Variants in ALK observed in about 807,000 individuals in gnomAD.
ALK encodes ALK receptor tyrosine kinase, also known as ALK tyrosine kinase receptor.
Under a neutral mutation model 163.1 loss-of-function variants are expected in ALK, and 74 were observed. That is an observed-to-expected ratio of 0.45 (90% CI 0.38 to 0.55). The LOEUF (loss-of-function observed/expected upper bound fraction) is 0.55, where lower values mean the gene tolerates loss of function less well. ALK is among the 20% of genes least tolerant of loss of function. The pLI, the probability that ALK is intolerant of heterozygous loss-of-function variation, is 0.00. For missense variants in ALK, 2,063 were observed against 2,105.3 expected, an observed-to-expected ratio of 0.98 and a Z score of 0.39; for synonymous variants, 960 against 843.2, an observed-to-expected ratio of 1.14 and a Z score of -2.40.
In ALK at chr2:29,227,663, G is replaced by C; in HGVS notation, c.2825C>G (p.Ala942Gly). Residue 942 changes from alanine (A) to glycine (G), a missense_variant, in exon 17 of 29, where the codon GCA (alanine) becomes GGA (glycine). Physicochemically the swap from Ala to Gly is moderately conservative, Grantham distance 60 (BLOSUM62 0). Transcript: ENST00000389048. The surrounding 1 kb of genome is among the most constrained non-coding windows in gnomAD (Gnocchi z 4.4). ...CATTTCGGGGTCATTGTTTGAGGCT[G>C]CATTGCCGCCTGAGTAGCAAACCAG... ...GGGGGYIGGN[A>G]ASNNDPEMDG... is the part of the protein sequence containing the mutation. 6.2e-7 allele frequency: 1 copy of C among 1,613,820 alleles called. No homozygotes were observed. The highest frequency in any genetic ancestry group is 1.1e-5 in the South Asian group (1 of 91,064).
intron 4 of ALK, among the ~76,000 whole-genome samples, chr2:29,504,558 T>C (rs1032722957): frequency 6.6e-6 from 1 of 151,898 alleles, no homozygotes; most frequent in Admixed American, 6.6e-5. Flanking sequence ...GGTAAGTGTA[T>C]ATTTTGGAGA....
intron 3 of ALK, among the ~76,000 whole-genome samples, chr2:29,604,466 A>C (rs954979549): frequency 6.6e-6 from 1 of 152,156 alleles, no homozygotes; most frequent in Non-Finnish European, 1.5e-5. Context: ...AATTTCTCCA[A>C]ACTGGCAACA....
intron 3 of ALK, among the ~76,000 whole-genome samples, chr2:29,638,631 C>T (rs1386002859): frequency 1.3e-5 from 2 of 152,104 alleles, no homozygotes; most frequent in East Asian, 3.9e-4. Flanking sequence ...GCCTGTTAGT[C>T]CTTTCCCAGC....
chr2:29,888,264 A>ATTTTTTTTTTT lies in ALK; in HGVS notation c.667+31728_667+31729insAAAAAAAAAAA, dbSNP rs1401782243. 2.7e-3 allele frequency among the ~76,000 whole-genome samples: 384 copies of ATTTTTTTTTTT among 142,256 alleles called. 9 individuals carry two copies. Among genetic ancestry groups the ATTTTTTTTTTT allele is most frequent in the African/African-American group, 0.01 (377 of 37,684 alleles). 93.3% of individuals were successfully genotyped at this position (142,256 alleles called of 152,430 possible). ...ATAAATTGTTTTTTTTTTTTTTTAA[A>ATTTTTTTTTTT]AAAAGGGAAACTATGTATTAAGCTA... is the stretch of plus-strand genomic sequence containing the variant. On this transcript the variant is annotated intron_variant, in intron 1 of 28. Coordinates refer to ENST00000389048, the MANE Select transcript of ALK (RefSeq NM_004304.5).
At chr2:29,763,065 C>G (rs1042687208) in intron 1 of ALK, among the ~76,000 whole-genome samples, 2 of 137,018 alleles carry the variant, frequency 1.5e-5, no homozygotes, top group African/African-American at 5.6e-5. Context: ...CGAGCCTAGG[C>G]GACAGAGTGA....
At chr2:29,893,788 G>A (rs916004886) in intron 1 of ALK, among the ~76,000 whole-genome samples, 3 of 152,096 alleles carry the variant, frequency 2.0e-5, no homozygotes, top group Admixed American at 6.5e-5. Context: ...AAGAACAGTG[G>A]CTCAAGAAGT....
chr2:29,300,277 G>A (rs550841510), intron 8 of ALK, among the ~76,000 whole-genome samples: 3 of 152,204 alleles, frequency 2.0e-5, no homozygotes, highest in Admixed American at 1.3e-4. Flanking sequence ...GGCCGGGCAC[G>A]GTGGCTCACA....
chr2:29,476,755 A>C (rs1178073277), intron 4 of ALK, among the ~76,000 whole-genome samples: 1 of 152,192 alleles, frequency 6.6e-6, no homozygotes, highest in African/African-American at 2.4e-5. Flanking sequence ...CCAGGGAGAC[A>C]GATTAGGTGT....
At chr2:29,528,206 C>T (rs368600620) in intron 4 of ALK, among the ~76,000 whole-genome samples, 7 of 152,198 alleles carry the variant, frequency 4.6e-5, no homozygotes, top group Non-Finnish European at 8.8e-5. Context: ...CCCAGATACC[C>T]GCTGCTGTGG....
intron 1 of ALK, among the ~76,000 whole-genome samples, chr2:29,878,922 A>G (rs890372235): frequency 3.9e-5 from 6 of 152,234 alleles, no homozygotes; most frequent in African/African-American, 1.2e-4. Flanking sequence ...GAGAGAATCC[A>G]GGGCAAAATG....
At chr2:29,278,064 G>A (rs1205163173) in intron 9 of ALK, among the ~76,000 whole-genome samples, 2 of 152,174 alleles carry the variant, frequency 1.3e-5, no homozygotes, top group Non-Finnish European at 2.9e-5. Context: ...AGAGGAAGGG[G>A]GAATTACACC....
rs1437934523 is a variant in ALK, at chr2:29,319,954, C to G, written c.1546+797G>C. ...AAGGAGAGAGACCTTCCCACCCCAT[C>G]AGCCCTATGCTGCAGAGAGGTGGGC... On this transcript the variant is annotated intron_variant, in intron 7 of 28. Transcript: ENST00000389048. Among the ~76,000 whole-genome samples the G allele has an allele frequency of 3.3e-5, 5 of 152,252 alleles. No homozygotes were observed. In the East Asian group the frequency reaches 9.6e-4, roughly 29 times the overall value.
In ALK at chr2:29,283,332, T is replaced by C. The variant is rs142351529; in HGVS notation, c.1818-7836A>G. Among the ~76,000 whole-genome samples, 578 of 152,280 alleles carry C rather than the reference T, an allele frequency of 3.8e-3. 5 individuals are homozygous for C. The highest frequency in any genetic ancestry group is 0.014 in the African/African-American group (562 of 41,556). ...AGTAGAGCAAGCTCCTTGGGATGAC[T>C]GGGGGCATGAGGGCTGTCTGGAGCT... On this transcript the variant is annotated intron_variant, in intron 9 of 28. Transcript: ENST00000389048.
intron 3 of ALK, among the ~76,000 whole-genome samples, chr2:29,594,488 G>A (rs1230354040): frequency 6.7e-6 from 1 of 149,428 alleles, no homozygotes; most frequent in African/African-American, 2.5e-5. Flanking sequence ...GAGTGTAGTG[G>A]CACAATCTCG....
intron 3 of ALK, among the ~76,000 whole-genome samples, chr2:29,566,549 G>C (rs1674195408): frequency 6.6e-6 from 1 of 152,176 alleles, no homozygotes; most frequent in African/African-American, 2.4e-5. Context: ...CACATACATG[G>C]CCGGTAGGAA....
chr2:29,629,424 C>G (rs750378508), intron 3 of ALK, among the ~76,000 whole-genome samples: 2 of 152,124 alleles, frequency 1.3e-5, no homozygotes, highest in Non-Finnish European at 2.9e-5. Context: ...TGGCCCACAA[C>G]AGGAGTTTTA....
At chr2:29,220,135 C>G (rs1034189052) in intron 23 of ALK, among the ~76,000 whole-genome samples, 2 of 152,160 alleles carry the variant, frequency 1.3e-5, no homozygotes, top group Non-Finnish European at 2.9e-5. Context: ...CTGCCCAAAT[C>G]TTACGTTGAA....
intron 4 of ALK, among the ~76,000 whole-genome samples, chr2:29,442,993 G>A (rs1670584215): frequency 6.6e-6 from 1 of 152,228 alleles, no homozygotes; most frequent in Non-Finnish European, 1.5e-5. Flanking sequence ...AAGTTGCAGG[G>A]GGTCTGGGAG....
intron 8 of ALK, among the ~76,000 whole-genome samples, chr2:29,299,212 C>T (rs894246588): frequency 1.3e-5 from 2 of 152,210 alleles, no homozygotes; most frequent in African/African-American, 4.8e-5. Context: ...CTCTCCCTCT[C>T]CACTCTTTCT....
Sources: gnomAD v4.1 joint callset for allele counts (sites outside exome capture counted in the v4.1 genomes callset) on GRCh38, gnomAD v4.1.1 for gene constraint, Gnocchi (gnomAD v3.1) non-coding constraint, MANE v1.5 for transcripts, NCBI Gene and HGNC (gene_info 2026-07-23, HGNC 2026-07-21) for gene names.